Variants in MFSD6 observed in about 807,000 individuals in gnomAD.
MFSD6 encodes the protein major facilitator superfamily domain-containing protein 6.
MFSD6 carries 26 observed loss-of-function variants against 56.3 expected under a neutral mutation model. The observed-to-expected ratio is 0.46, with a 90% confidence interval of 0.34 to 0.64. The LOEUF (loss-of-function observed/expected upper bound fraction) is 0.64, where lower values mean the gene tolerates loss of function less well. Ranked by LOEUF, MFSD6 falls within the 30% of genes least tolerant of loss-of-function variation. The pLI is 0.01. For synonymous variants in MFSD6, 331 were observed against 366.9 expected, an observed-to-expected ratio of 0.90 and a Z score of 1.12; for missense variants, 750 against 986.2, an observed-to-expected ratio of 0.76 and a Z score of 3.21.
chr2:190,482,256 CAAGAA>C (rs569763750), intron 4 of MFSD6, among the ~76,000 whole-genome samples: 141 of 152,240 alleles, frequency 9.3e-4, no homozygotes, highest in African/African-American at 3.3e-3. Flanking sequence ...TTTGTGTGAG[CAAGAA>C]AAGAAAACAT....
Position 190,478,728 on chromosome 2 carries a change from A to AGGCTGGGGAATGGGAT in MFSD6, c.1630+8875_1630+8890dup, listed in dbSNP as rs538861757. Among the ~76,000 whole-genome samples, 312 of 152,266 alleles carry AGGCTGGGGAATGGGAT rather than the reference A, an allele frequency of 2.0e-3. 1 individual carries two copies. The highest frequency in any genetic ancestry group is 0.018 in the Admixed American group (279 of 15,282). The stretch of plus-strand genomic sequence containing the variant: ...CAAAGACCTAGTCTGGGGAAGGGGA[A>AGGCTGGGGAATGGGAT]GGCTGGGGAATGGGATGTTGTCTTT... On this transcript the variant is annotated intron_variant, in intron 4 of 7. Transcript: ENST00000392328.
At chr2:190,411,585 A>C in intron 1 of MFSD6, 1 of 979,548 alleles carries the variant, frequency 1.0e-6, no homozygotes, top group Non-Finnish European at 1.2e-6. Context: ...CTTATTATAT[A>C]AACTAAAAAG....
intron 1 of MFSD6, among the ~76,000 whole-genome samples, chr2:190,414,732 T>A (rs1275250590): frequency 6.6e-6 from 1 of 152,202 alleles, no homozygotes; most frequent in Non-Finnish European, 1.5e-5. Flanking sequence ...TAAATATGTA[T>A]TTTTAAAGTG....
chr2:190,469,902 C>G lies in MFSD6; in HGVS notation c.1630+47C>G. 7.1e-7 allele frequency: 1 copy of G among 1,417,992 alleles called. No individual in the cohort carries two copies. Among genetic ancestry groups the G allele is most frequent in the Non-Finnish European group, 9.9e-7 (1 of 1,010,130 alleles). 87.8% of individuals were successfully genotyped at this position (1,417,992 alleles called of 1,614,324 possible). On this transcript the variant is annotated intron_variant, in intron 4 of 7. Transcript: ENST00000392328. The surrounding 1 kb of genome is among the most constrained non-coding windows in gnomAD (Gnocchi z 5.3). ...AAATTATTTCTCTGCCTTCCCTGAG[C>G]TGTGGCTAAAAGCCCAGTGGCCTTC...
chr2:190,482,885 T>TG (rs1688766914), intron 4 of MFSD6, among the ~76,000 whole-genome samples: 2 of 38,928 alleles, frequency 5.1e-5, no homozygotes, highest in Non-Finnish European at 1.4e-4. Context: ...TTTTTTTTTT[T>TG]TTTTTTTTTT....
At chr2:190,468,449 A>G (rs1355520092) in intron 3 of MFSD6, among the ~76,000 whole-genome samples, 1 of 147,014 alleles carries the variant, frequency 6.8e-6, no homozygotes, top group East Asian at 1.9e-4. Flanking sequence ...GTTTATAGGA[A>G]TGAATTTTTT....
At chr2:190,445,931 C>T (rs1359182438) in intron 3 of MFSD6, among the ~76,000 whole-genome samples, 5 of 151,896 alleles carry the variant, frequency 3.3e-5, no homozygotes, top group Non-Finnish European at 7.4e-5. Flanking sequence ...TGTTTTTTAT[C>T]GGGATAGGTG....
Position 190,413,541 on chromosome 2 carries a change from GGGGAAAGACA to G in MFSD6, c.-175-1736_-175-1727del, listed in dbSNP as rs372673134. Among the ~76,000 whole-genome samples, 17 of 152,164 alleles carry G rather than the reference GGGGAAAGACA, an allele frequency of 1.1e-4. No homozygotes were observed. Among genetic ancestry groups the G allele is most frequent in the Admixed American group, 9.8e-4 (15 of 15,276 alleles). On this transcript the variant is annotated intron_variant, in intron 1 of 7. Coordinates refer to ENST00000392328, the MANE Select transcript of MFSD6 (RefSeq NM_017694.4). This position sits in a 1 kb window ranked among gnomAD's most constrained non-coding sequence, Gnocchi z 4.1. ...TTGATCTGAGACCAAGAGTGGGATGGGGGAAAGACAGGGAAAGACAGGGACACTATGAATC... is the reference window on the plus strand; with the variant it reads ...TTGATCTGAGACCAAGAGTGGGATGGGGGAAAGACAGGGACACTATGAATC...
chr2:190,479,428 TGGTGGTG>T (rs1688534349), intron 4 of MFSD6, among the ~76,000 whole-genome samples: 1 of 152,284 alleles, frequency 6.6e-6, no homozygotes, highest in East Asian at 1.9e-4. Flanking sequence ...CATTGCTGGA[TGGTGGTG>T]GTGGTGAATA....
At position 190,425,969 on chromosome 2, in the gene MFSD6, G is replaced by A. The variant is rs1416190253; in HGVS notation, c.-53-10008G>A. Reference sequence around the variant, plus strand: ...TCCCATTGGTAAGTTGTTTCTCTCTGCTTTCAAAATTTTTTTCCTTGCCTT... The same window carrying A: ...TCCCATTGGTAAGTTGTTTCTCTCTACTTTCAAAATTTTTTTCCTTGCCTT... On this transcript the variant is annotated intron_variant, in intron 2 of 7. Coordinates refer to ENST00000392328, the MANE Select transcript of MFSD6 (RefSeq NM_017694.4). This position sits in a 1 kb window ranked among gnomAD's most constrained non-coding sequence, Gnocchi z 4.3. 6.6e-6 allele frequency among the ~76,000 whole-genome samples: 1 copy of A among 152,004 alleles called. No individual in the cohort carries two copies. The highest frequency in any genetic ancestry group is 1.5e-5 in the Non-Finnish European group (1 of 67,980).
chr2:190,494,477 G>A lies in MFSD6; in HGVS notation c.1892-2962G>A, dbSNP rs376947553. 4.6e-5 allele frequency among the ~76,000 whole-genome samples: 7 copies of A among 152,216 alleles called. No individual in the cohort carries two copies. Among genetic ancestry groups the A allele is most frequent in the South Asian group, 2.1e-4 (1 of 4,818 alleles). On this transcript the variant is annotated intron_variant, in intron 6 of 7. Coordinates refer to ENST00000392328, the MANE Select transcript of MFSD6 (RefSeq NM_017694.4). This position sits in a 1 kb window ranked among gnomAD's most constrained non-coding sequence, Gnocchi z 5.7. ...CTATTCCACAAGATAGAGAAAGAGGGAATCCTCCCTAAAACATTCTATGAA... is the reference window on the plus strand; with the variant it reads ...CTATTCCACAAGATAGAGAAAGAGGAAATCCTCCCTAAAACATTCTATGAA...
At chr2:190,474,455 A>T (rs1248508759) in intron 4 of MFSD6, among the ~76,000 whole-genome samples, 4 of 152,258 alleles carry the variant, frequency 2.6e-5, no homozygotes, top group African/African-American at 7.2e-5. Flanking sequence ...CAAATAAACT[A>T]GAAAATCTAG....
At chr2:190,411,047 T>G in intron 1 of MFSD6, 1 of 910,140 alleles carries the variant, frequency 1.1e-6, no homozygotes, top group Non-Finnish European at 1.3e-6. Context: ...AGAGCGAGAC[T>G]CTATCTCAAA....
At chr2:190,409,082 A>T (rs1690445098) in intron 1 of MFSD6, among the ~76,000 whole-genome samples, 1 of 152,254 alleles carries the variant, frequency 6.6e-6, no homozygotes, top group East Asian at 1.9e-4. Context: ...GGAAAAAAAA[A>T]TACCTCTGCT....
intron 3 of MFSD6, among the ~76,000 whole-genome samples, chr2:190,441,034 T>C (rs1211388882): frequency 6.6e-6 from 1 of 152,148 alleles, no homozygotes; most frequent in Non-Finnish European, 1.5e-5. Flanking sequence ...GGGAAGAAAC[T>C]CTGCAGCCGG....
chr2:190,440,966 A>T (rs1176770774), intron 3 of MFSD6, among the ~76,000 whole-genome samples: 1 of 152,200 alleles, frequency 6.6e-6, no homozygotes, highest in Non-Finnish European at 1.5e-5. Flanking sequence ...CCAAGGACAC[A>T]TGGGAGGTGG....
intron 1 of MFSD6, among the ~76,000 whole-genome samples, chr2:190,409,708 G>T (rs1482382010): frequency 6.6e-6 from 1 of 152,194 alleles, no homozygotes; most frequent in Non-Finnish European, 1.5e-5. Flanking sequence ...CTTTCCCCAA[G>T]ATGTGGGCAC....
intron 3 of MFSD6, among the ~76,000 whole-genome samples, chr2:190,450,031 TAAAA>T (rs572830285): frequency 6.6e-6 from 1 of 151,378 alleles, no homozygotes. Context: ...AAAATAAAAT[TAAAA>T]AAAAGAAAAA....
chr2:190,472,446 G>A (rs180692271), intron 4 of MFSD6, among the ~76,000 whole-genome samples: 31 of 152,328 alleles, frequency 2.0e-4, no homozygotes, highest in African/African-American at 6.7e-4. Context: ...AAATGCACAA[G>A]CCTTAGTAGC....
Sources: allele counts gnomAD v4.1 joint callset (sites outside exome capture counted in the v4.1 genomes callset), GRCh38; gene constraint gnomAD v4.1.1; non-coding constraint Gnocchi (gnomAD v3.1); transcripts MANE v1.5; gene names NCBI Gene and HGNC (gene_info 2026-07-23, HGNC 2026-07-21).